The following TRPM1 variants were observed in gnomAD, a reference collection of about 807,000 sequenced individuals.
The protein encoded by TRPM1 is transient receptor potential cation channel subfamily M member 1, also known as TRPM1-203 APA Isoform, Intron 10.
Under a neutral mutation model 149.4 loss-of-function variants are expected in TRPM1, and 113 were observed. That is an observed-to-expected ratio of 0.76 (90% CI 0.65 to 0.88). The LOEUF (loss-of-function observed/expected upper bound fraction) is 0.88. Ranked by LOEUF, TRPM1 falls within the 40% of genes least tolerant of loss-of-function variation. TRPM1 has a pLI of 0.00. For missense variants in TRPM1, 1,976 were observed against 2,038.7 expected (o/e 0.97, Z 0.59); for synonymous variants, 741 against 759.5 (o/e 0.98, Z 0.40).
At chr15:31,100,286 A>C (rs1235554540) in intron 1 of TRPM1, among the ~76,000 whole-genome samples, 3 of 151,998 alleles carry the variant, frequency 2.0e-5, no homozygotes, top group Admixed American at 2.0e-4. Context: ...CATGTTGGCT[A>C]GGATGGTCTC....
intron 1 of TRPM1, among the ~76,000 whole-genome samples, chr15:31,148,084 T>A (rs537319637): frequency 6.6e-6 from 1 of 152,102 alleles, no homozygotes; most frequent in Non-Finnish European, 1.5e-5. Flanking sequence ...GGCACAGAGA[T>A]TGTGCAGTTT....
intron 8 of TRPM1, 75 bp downstream of exon 8, chr15:31,063,043 C>A (rs1412226651): frequency 1.1e-5 from 18 of 1,579,288 alleles, no homozygotes; most frequent in Non-Finnish European, 1.6e-5. Flanking sequence ...CTAAGCAGAC[C>A]ACTTTAGATT....
chr15:31,062,132 T>G (rs1266004659), intron 9 of TRPM1, among the ~76,000 whole-genome samples: 1 of 152,162 alleles, frequency 6.6e-6, no homozygotes, highest in Non-Finnish European at 1.5e-5. Context: ...TCGTATCTAA[T>G]CAGACAGGAG....
intron 1 of TRPM1, among the ~76,000 whole-genome samples, chr15:31,088,679 A>G (rs1051183473): frequency 2.6e-5 from 4 of 152,216 alleles, no homozygotes; most frequent in African/African-American, 7.2e-5. Flanking sequence ...GGCATTTCAT[A>G]CTAAGCCTTT....
intron 1 of TRPM1, among the ~76,000 whole-genome samples, chr15:31,131,994 C>A (rs2036022482): frequency 6.6e-6 from 1 of 152,220 alleles, no homozygotes; most frequent in South Asian, 2.1e-4. Context: ...AGCCGCTGGG[C>A]CTGCTTTCCT....
chr15:31,062,991 G>A, intron 8 of TRPM1, 127 bp downstream of exon 8: 1 of 1,309,422 alleles, frequency 7.6e-7, no homozygotes, highest in Non-Finnish European at 1.1e-6. Flanking sequence ...AATGGGAGAG[G>A]AGATCTAGCA....
At chr15:31,161,148 T>C in exon 1 of TRPM1, 1 of 610,430 alleles carries the variant, frequency 1.6e-6, no homozygotes, top group Admixed American at 2.8e-5. Context: ...GGAGGCTGGT[T>C]CAGCCTAGGA....
rs1282453698 is a variant in TRPM1, at chr15:31,047,120, T to G, written c.1755A>C (p.Gly585=). Residue 585 remains glycine (G), a synonymous_variant, in exon 15 of 28, where the codon GGA becomes GGC. Coordinates refer to ENST00000256552, the MANE Select transcript of TRPM1 (RefSeq NM_001252024.2). ...AGGCACTGAGTTCTACCCTCTTTGGTCCAAACAAGTTGTTGTAAAGGGTCC... is the reference window on the plus strand; with the variant it reads ...AGGCACTGAGTTCTACCCTCTTTGGGCCAAACAAGTTGTTGTAAAGGGTCC... The part of the protein sequence containing the change: ...NFRTLYNNLF[G]PKRPKALKLL... 3.7e-6 allele frequency: 6 copies of G among 1,614,212 alleles called. No individual in the cohort carries two copies. The South Asian group carries it at 5.5e-5, about 15-fold the overall frequency.
Position 31,029,403 on chromosome 15 carries a change from T to C in TRPM1, c.3128-12A>G, listed in dbSNP as rs2032954516. 1 of 1,613,616 alleles carries C rather than the reference T, an allele frequency of 6.2e-7. No individual in the cohort carries two copies. Among genetic ancestry groups the C allele is most frequent in the Admixed American group, 1.7e-5 (1 of 59,992 alleles). On this transcript the variant is annotated splice_polypyrimidine_tract_variant and intron_variant, in intron 23 of 27. Transcript: ENST00000256552. ...TTCCATGGCGTAGACTACATGACGA[T>C]TGGAAAGCAGGATTTTTGTTTTGTT...
At chr15:31,138,110 G>A (rs558403223) in intron 1 of TRPM1, among the ~76,000 whole-genome samples, 61 of 152,292 alleles carry the variant, frequency 4.0e-4, no homozygotes, top group African/African-American at 1.3e-3. Flanking sequence ...CATTCTTGAA[G>A]AGCCTCAGCT....
chr15:31,031,231 G>A (rs2033062823), intron 22 of TRPM1, 74 bp from the exon 23 acceptor site: 2 of 1,537,360 alleles, frequency 1.3e-6, no homozygotes, highest in African/African-American at 1.4e-5. Flanking sequence ...TTATATTGCT[G>A]TCTCCAATTA....
intron 8 of TRPM1, 117 bp from the exon 9 acceptor site, chr15:31,062,819 G>A (rs1250880935): frequency 4.8e-6 from 6 of 1,244,530 alleles, no homozygotes; most frequent in African/African-American, 3.0e-5. Flanking sequence ...TCCTGACACA[G>A]GAGACAAAAA....
At chr15:31,158,238 G>C (rs905130482) in intron 1 of TRPM1, among the ~76,000 whole-genome samples, 1 of 152,120 alleles carries the variant, frequency 6.6e-6, no homozygotes, top group East Asian at 1.9e-4. Flanking sequence ...TACAGGACAG[G>C]GGTCCAGATC....
chr15:31,018,614 C>A (rs1427615673), intron 27 of TRPM1, among the ~76,000 whole-genome samples: 1 of 152,008 alleles, frequency 6.6e-6, no homozygotes, highest in African/African-American at 2.4e-5. Context: ...CTCAGGTGAT[C>A]CACCTGCCTC....
chr15:31,132,994 T>A (rs2036037497), intron 1 of TRPM1, among the ~76,000 whole-genome samples: 2 of 152,238 alleles, frequency 1.3e-5, no homozygotes, highest in South Asian at 2.1e-4. Flanking sequence ...GTCTCAGGGA[T>A]GTCTTTATTA....
At chr15:31,051,856 C>T (rs376074655) in intron 11 of TRPM1, among the ~76,000 whole-genome samples, 3 of 152,322 alleles carry the variant, frequency 2.0e-5, no homozygotes, top group East Asian at 1.9e-4. Context: ...ACCTACCCTC[C>T]GACCCAGTCC....
chr15:31,038,148 G>C lies in TRPM1; in HGVS notation c.2335C>G (p.Leu779Val). ...TCCAAAAACAAGATGGTGGGGGGTA[G>C]AAGAATCCCCATGATAACCTACGGA... ...PGLKVIMGILLPPTILFLEFR... is the reference protein window; with the variant it reads ...PGLKVIMGILVPPTILFLEFR... Residue 779 changes from leucine to valine, a missense_variant, in exon 19 of 28, where the codon CTA (leucine) becomes GTA (valine). Physicochemically the swap from Leu to Val is conservative, Grantham distance 32 (BLOSUM62 1). Around this residue, in one of 3 missense-constraint regions of TRPM1, gnomAD observed 1,332 missense variants for 1,347.1 expected, o/e 0.99. Coordinates refer to ENST00000256552, the MANE Select transcript of TRPM1 (RefSeq NM_001252024.2). 1 of 1,614,092 alleles carries C rather than the reference G, an allele frequency of 6.2e-7. No homozygotes were observed. The highest frequency in any genetic ancestry group is 8.5e-7 in the Non-Finnish European group (1 of 1,179,954).
At chr15:31,144,461 C>G (rs1270711748) in intron 1 of TRPM1, among the ~76,000 whole-genome samples, 3 of 152,014 alleles carry the variant, frequency 2.0e-5, no homozygotes, top group Non-Finnish European at 2.9e-5. Flanking sequence ...AATAAAAGTC[C>G]AATCTGAGAT....
At chr15:31,160,698 G>A (rs528558648) in intron 1 of TRPM1, among the ~76,000 whole-genome samples, 5 of 152,354 alleles carry the variant, frequency 3.3e-5, no homozygotes, top group East Asian at 1.9e-4. Flanking sequence ...GACCACAGGC[G>A]TTGGACACCG....
Sources: allele counts gnomAD v4.1 joint callset (sites outside exome capture counted in the v4.1 genomes callset), GRCh38; gene constraint gnomAD v4.1.1; regional missense constraint gnomAD v4.1.1; transcripts MANE v1.5; gene names NCBI Gene and HGNC (gene_info 2026-07-23, HGNC 2026-07-21).